PIDD1: variants seen among roughly 807,000 people sequenced by gnomAD.
PIDD1 encodes the protein p53-induced death domain protein 1.
A neutral mutation model predicts 80.0 loss-of-function variants in PIDD1; 72 were observed. The observed-to-expected ratio is 0.90, with a 90% confidence interval of 0.74 to 1.09. The LOEUF (loss-of-function observed/expected upper bound fraction) is 1.09. PIDD1 is among the 50% of genes least tolerant of loss of function. The pLI is 0.00. For missense variants in PIDD1, 1,329 were observed against 1,228.3 expected (o/e 1.08, Z -1.23); for synonymous variants, 655 against 543.5 (o/e 1.21, Z -2.85).
At chr11:808,976 C>T (rs1026984665), upstream of PIDD1, among the ~76,000 whole-genome samples, 5 of 152,206 alleles carry the variant, frequency 3.3e-5, no homozygotes, top group Non-Finnish European at 7.3e-5. Flanking sequence ...TGGTGCTCGC[C>T]CGGGATATTG....
In PIDD1 at chr11:802,409, G is replaced by C; in HGVS notation, c.975-13C>G. The C allele has an allele frequency of 6.2e-7, 1 of 1,610,880 alleles. No individual in the cohort carries two copies. The highest frequency in any genetic ancestry group is 8.5e-7 in the Non-Finnish European group (1 of 1,178,558). ...GGTCACAGGAAAGCTGAGTGAGGAAGGAGCGAGCAACAGGTTAGACCCAGA... is the reference window on the plus strand; with the variant it reads ...GGTCACAGGAAAGCTGAGTGAGGAACGAGCGAGCAACAGGTTAGACCCAGA... On this transcript the variant is annotated splice_polypyrimidine_tract_variant and intron_variant, in intron 5 of 15. Transcript: ENST00000347755.
At chr11:799,641 G>A in intron 15 of PIDD1, 76 bp from the exon 16 acceptor site, 3 of 1,484,304 alleles carry the variant, frequency 2.0e-6, no homozygotes, top group Non-Finnish European at 2.7e-6. Context: ...GCCTCGGAGT[G>A]TGGGGGAGTT....
At position 800,197 on chromosome 11, in the gene PIDD1, A is replaced by G. The variant is rs1391463615; in HGVS notation, c.2208T>C (p.Ala736=). Residue 736 remains alanine (A), a synonymous_variant, in exon 14 of 16, where the codon GCT becomes GCC. Coordinates refer to ENST00000347755, the MANE Select transcript of PIDD1 (RefSeq NM_145886.4). ...CGCCCTTCCTCTGCCGGGCAGCCTC[A>G]GCCTCCTCGGGCACCCGCACAGGCA... ...GAVPVRVPEE[A]EAARQRKGAD... 1 of 1,610,988 alleles carries G rather than the reference A, an allele frequency of 6.2e-7. No homozygotes were observed. Among genetic ancestry groups the G allele is most frequent in the East Asian group, 2.2e-5 (1 of 44,854 alleles).
upstream of PIDD1, chr11:805,564 G>T: frequency 1.1e-6 from 1 of 948,640 alleles, no homozygotes; most frequent in Non-Finnish European, 1.3e-6. Flanking sequence ...GGCCCCAGGT[G>T]CGTTCCCAGG....
In PIDD1 at chr11:802,070, GAGCAGCCAC is replaced by G. The variant is rs1331095541; in HGVS notation, c.1188_1196del (p.Trp397_Leu399del). 6.3e-7 allele frequency: 1 copy of G among 1,580,280 alleles called. No individual in the cohort carries two copies. The highest frequency in any genetic ancestry group is 1.8e-5 in the Admixed American group (1 of 54,458). ...AGCGCCGGGCCTGCGGTGGGGTGAA[GAGCAGCCAC>G]AGCCCCACATCCTGCCAGACAAGGA... On this transcript the variant is annotated inframe_deletion, in exon 7 of 16. Coordinates refer to ENST00000347755, the MANE Select transcript of PIDD1 (RefSeq NM_145886.4).
At position 802,079 on chromosome 11, in the gene PIDD1, C is replaced by A; in HGVS notation, c.1188G>T (p.Leu396=). 6.3e-7 allele frequency: 1 copy of A among 1,579,196 alleles called. No individual in the cohort carries two copies. Among genetic ancestry groups the A allele is most frequent in the East Asian group, 2.3e-5 (1 of 43,332 alleles). The change falls in exon 7 of 16, where the codon CTG becomes CTT. Residue 396 remains leucine (L), a synonymous_variant. Coordinates refer to ENST00000347755, the MANE Select transcript of PIDD1 (RefSeq NM_145886.4). ...CCTGCGGTGGGGTGAAGAGCAGCCACAGCCCCACATCCTGCCAGACAAGGA... is the reference window on the plus strand; with the variant it reads ...CCTGCGGTGGGGTGAAGAGCAGCCAAAGCCCCACATCCTGCCAGACAAGGA... The part of the protein sequence containing the change: ...HGVAFQQDVG[L]WLLFTPPQAR...
rs1865143178 is a variant in PIDD1 at position 800,164 on chromosome 11, G to GGCGTCT, written c.2235_2240dup (p.Asp746_Ala747dup). On this transcript the variant is annotated inframe_insertion, in exon 14 of 16. Transcript: ENST00000347755. ...TGATGGGCAGAGTGGCCATCCACAG[G>GGCGTCT]GCGTCTGCGCCCTTCCTCTGCCGGG... is the stretch of plus-strand genomic sequence containing the variant. The GGCGTCT allele has an allele frequency of 6.2e-7, 1 of 1,610,656 alleles. No individual in the cohort carries two copies. Among genetic ancestry groups the GGCGTCT allele is most frequent in the South Asian group, 1.1e-5 (1 of 90,928 alleles).
rs1185259400 is a variant in PIDD1 at position 801,491 on chromosome 11, A to G, written c.1436T>C (p.Ile479Thr). The change falls in exon 8 of 16, where the codon ATC becomes ACC. Residue 479 changes from isoleucine to threonine, a missense_variant. Transcript: ENST00000347755. Reference protein sequence around the residue: ...CSSGHPGVKVIFPPGATEEPR... With the variant: ...CSSGHPGVKVTFPPGATEEPR... The stretch of plus-strand genomic sequence containing the variant: ...CTCCTCAGTGGCCCCAGGGGGGAAG[A>G]TGACTTTGACCCCAGGATGACCCGA... The G allele has an allele frequency of 1.3e-6, 2 of 1,547,422 alleles. No individual in the cohort carries two copies. The highest frequency in any genetic ancestry group is 1.4e-5 in the African/African-American group (1 of 73,478).
chr11:800,960 G>C, intron 10 of PIDD1, 25 bp downstream of exon 10: 1 of 1,550,182 alleles, frequency 6.5e-7, no homozygotes, highest in Non-Finnish European at 8.9e-7. Flanking sequence ...GGGGAGGGGG[G>C]CTGAGAAAGC....
chr11:805,236 T>G, upstream of PIDD1: 1 of 982,640 alleles, frequency 1.0e-6, no homozygotes, highest in Non-Finnish European at 1.2e-6. Context: ...GCGCCTGGGA[T>G]CCCGCCGGCG....
At chr11:805,240 G>C, upstream of PIDD1, 1 of 982,634 alleles carries the variant, frequency 1.0e-6, no homozygotes, top group South Asian at 4.7e-5. Flanking sequence ...CTGGGATCCC[G>C]CCGGCGCGTT....
At chr11:802,652 C>A (rs766993824) in intron 4 of PIDD1, 30 bp downstream of exon 4, 7 of 1,606,452 alleles carry the variant, frequency 4.4e-6, no homozygotes, top group Admixed American at 3.4e-5. Context: ...TGTCCTATCC[C>A]AGGTCTGCCC....
intron 5 of PIDD1, 48 bp from the exon 6 acceptor site, chr11:802,444 G>C: frequency 6.3e-7 from 1 of 1,593,728 alleles, no homozygotes; most frequent in Non-Finnish European, 8.6e-7. Context: ...AAGGGCCTAC[G>C]TGTTGGAGCC....
chr11:800,608 G>GT lies in PIDD1; in HGVS notation c.1975dup (p.Thr659AsnfsTer23). 1 of 1,600,506 alleles carries GT rather than the reference G, an allele frequency of 6.2e-7. No homozygotes were observed. The highest frequency in any genetic ancestry group is 8.5e-7 in the Non-Finnish European group (1 of 1,177,068). On this transcript the variant is annotated frameshift_variant, in exon 12 of 16. Coordinates refer to ENST00000347755, the MANE Select transcript of PIDD1 (RefSeq NM_145886.4). LOFTEE classifies it high-confidence loss of function. ...CTCTTCGCCCTCGAACATCTCCACC[G>GT]TGTCAGAGGGCTCGGGGCCCCGGTA...
Position 801,983 on chromosome 11 carries a change from C to G in PIDD1, c.1284G>C (p.Leu428=). The change falls in exon 7 of 16, where the codon CTG becomes CTC. Residue 428 remains leucine (L), a synonymous_variant. Coordinates refer to ENST00000347755, the MANE Select transcript of PIDD1 (RefSeq NM_145886.4). ...DNSWGDLETY[L]EEEAPQRLWA... is the part of the protein sequence containing the mutation. ...CCCTCACCTGGGGTGCCTCTTCCTC[C>G]AGGTAGGTCTCCAGGTCACCCCAGC... 6.2e-7 allele frequency: 1 copy of G among 1,603,690 alleles called. No homozygotes were observed. The highest frequency in any genetic ancestry group is 8.5e-7 in the Non-Finnish European group (1 of 1,175,760).
At position 802,590 on chromosome 11, in the gene PIDD1, G is replaced by A; in HGVS notation, c.927C>T (p.Ala309=). The A allele has an allele frequency of 1.9e-6, 3 of 1,613,168 alleles. No homozygotes were observed. The highest frequency in any genetic ancestry group is 2.5e-6 in the Non-Finnish European group (3 of 1,179,688). ...SPDAPSSPVA[A]LIPEMPRLFL... ...ACAGTCTGGGCATTTCTGGAATGAG[G>A]GCTGCCACTGTGCAGGGGACAGACA... The change falls in exon 5 of 16, where the codon GCC becomes GCT. Residue 309 remains alanine (A), a synonymous_variant. Coordinates refer to ENST00000347755, the MANE Select transcript of PIDD1 (RefSeq NM_145886.4).
rs1460548010 is a variant in PIDD1 at position 802,017 on chromosome 11, T to C, written c.1250A>G (p.Asn417Ser). ...CTCCAGGTCACCCCAGCTGTTGTCA[T>C]TCCGGGTCCTGACCACCACTTCACG... ...RCREVVVRTR[N>S]DNSWGDLETY... Residue 417 changes from asparagine (N) to serine (S), a missense_variant, in exon 7 of 16, where the codon AAT becomes AGT. By Grantham distance (46) the Asn-to-Ser change is conservative (BLOSUM62 1). Transcript: ENST00000347755. 6.2e-7 allele frequency: 1 copy of C among 1,602,690 alleles called. No homozygotes were observed. Among genetic ancestry groups the C allele is most frequent in the Non-Finnish European group, 8.5e-7 (1 of 1,175,282 alleles).
At chr11:806,433 G>A (rs1865775208), upstream of PIDD1, among the ~76,000 whole-genome samples, 1 of 152,216 alleles carries the variant, frequency 6.6e-6, no homozygotes, top group Non-Finnish European at 1.5e-5. Context: ...CACCAGCTAT[G>A]CCTGCTTCTT....
In PIDD1 at chr11:801,248, C is replaced by A; in HGVS notation, c.1600G>T (p.Val534Leu). Residue 534 changes from valine to leucine, a missense_variant, in exon 9 of 16, where the codon GTG becomes TTG. Physicochemically the swap from Val to Leu is conservative, Grantham distance 32 (BLOSUM62 1). Transcript: ENST00000347755. ...GPPSFLQPVTVQLPLPSGITG... is the reference protein window; with the variant it reads ...GPPSFLQPVTLQLPLPSGITG... ...ATGCCAGAGGGCAGAGGCAGCTGCA[C>A]GGTGACCGGTTGGAGGAAGCTGGGG... 6.4e-7 allele frequency: 1 copy of A among 1,567,090 alleles called. No individual in the cohort carries two copies. The highest frequency in any genetic ancestry group is 8.7e-7 in the Non-Finnish European group (1 of 1,154,048).
Sources: allele counts gnomAD v4.1 joint callset (sites outside exome capture counted in the v4.1 genomes callset), GRCh38; gene constraint gnomAD v4.1.1; transcripts MANE v1.5; gene names NCBI Gene and HGNC (gene_info 2026-07-23, HGNC 2026-07-21).